EML5: variants seen among roughly 807,000 people sequenced by gnomAD.
EML5 encodes EMAP like 5.
In EML5, 120 loss-of-function variants were observed where a neutral mutation model predicts 250.0. That is an observed-to-expected ratio of 0.48 (90% CI 0.41 to 0.56). The LOEUF (loss-of-function observed/expected upper bound fraction) is 0.56, where lower values mean the gene tolerates loss of function less well. Among genes scored for constraint, EML5 ranks in the 20% least tolerant of loss-of-function variants. The pLI is 0.00. For synonymous variants in EML5, 771 were observed against 806.5 expected (o/e 0.96, Z 0.75); for missense variants, 2,006 against 2,437.6 (o/e 0.82, Z 3.73).
Position 88,738,909 on chromosome 14 carries a change from C to G in EML5, c.817G>C (p.Asp273His). 6.3e-7 allele frequency: 1 copy of G among 1,582,958 alleles called. No homozygotes were observed. Among genetic ancestry groups the G allele is most frequent in the Non-Finnish European group, 8.6e-7 (1 of 1,163,490 alleles). The change falls in exon 6 of 44, where the codon GAT (aspartate) becomes CAT (histidine). Residue 273 changes from aspartate (D) to histidine (H), a missense_variant. Coordinates refer to ENST00000554922, the MANE Select transcript of EML5 (RefSeq NM_183387.3). Reference sequence around the variant, plus strand: ...TATCCCTGGTCTGTTTCCCTGAGATCAATCACAGTAATTGGTTTAAAAGTT... The same window carrying G: ...TATCCCTGGTCTGTTTCCCTGAGATGAATCACAGTAATTGGTTTAAAAGTT... ...DLTFKPITVI[D>H]LRETDQGYKG...
chr14:88,622,046 C>T, intron 37 of EML5: 1 of 326,126 alleles, frequency 3.1e-6, no homozygotes. Flanking sequence ...TCCCCCTTGT[C>T]CGCCTCCAGT....
chr14:88,772,961 G>A (rs1595853458), intron 1 of EML5, among the ~76,000 whole-genome samples: 1 of 152,158 alleles, frequency 6.6e-6, no homozygotes, highest in Non-Finnish European at 1.5e-5. Flanking sequence ...AACTTGCTCA[G>A]AGAAGCTCTC....
chr14:88,722,768 A>T (rs2093610271), intron 8 of EML5, among the ~76,000 whole-genome samples: 1 of 151,648 alleles, frequency 6.6e-6, no homozygotes, highest in Admixed American at 6.6e-5. Flanking sequence ...GATTTTTCAT[A>T]AAAAAAAATT....
chr14:88,748,186 A>G (rs1302755640), intron 2 of EML5, among the ~76,000 whole-genome samples: 6 of 152,180 alleles, frequency 3.9e-5, no homozygotes, highest in Non-Finnish European at 8.8e-5. Context: ...AAAACTATCT[A>G]TAGTAAGATT....
chr14:88,661,453 A>G (rs1242388443), intron 25 of EML5, among the ~76,000 whole-genome samples: 1 of 152,184 alleles, frequency 6.6e-6, no homozygotes. Flanking sequence ...ACACTATAGG[A>G]TATGATATAT....
chr14:88,620,625 T>A lies in EML5; in HGVS notation c.5375+129A>T. The A allele has an allele frequency of 8.1e-6, 6 of 743,570 alleles. No individual in the cohort carries two copies. Among genetic ancestry groups the A allele is most frequent in the Non-Finnish European group, 9.9e-6 (5 of 505,172 alleles). 46.1% of individuals were successfully genotyped at this position (743,570 alleles called of 1,614,324 possible). A position where few individuals can be genotyped will look rare whatever the true frequency, so the allele number is the denominator to read the frequency against. ...GTATACAAACAGCCATATTTTAGCA[T>A]ACAATTTATAATACGGGAAATGCTA... is the stretch of plus-strand genomic sequence containing the variant. On this transcript the variant is annotated intron_variant, in intron 39 of 43. Transcript: ENST00000554922. The surrounding 1 kb of genome is among the most constrained non-coding windows in gnomAD (Gnocchi z 4.3).
chr14:88,617,205 T>C (rs1595179238), intron 41 of EML5: 2 of 176,012 alleles, frequency 1.1e-5, no homozygotes, highest in East Asian at 1.5e-4. Flanking sequence ...TGGAGTGCAA[T>C]GGCATGATCT....
In EML5 at chr14:88,788,245, C is replaced by G. The variant is rs77230377; in HGVS notation, c.197+4062G>C. Reference sequence around the variant, plus strand: ...ATCGCTTTTCCAATTACAATTTTGACTTGCGTTGAATAAATTAAGTTTCTA... The same window carrying G: ...ATCGCTTTTCCAATTACAATTTTGAGTTGCGTTGAATAAATTAAGTTTCTA... On this transcript the variant is annotated intron_variant, in intron 1 of 43. Coordinates refer to ENST00000554922, the MANE Select transcript of EML5 (RefSeq NM_183387.3). Among the ~76,000 whole-genome samples, 996 of 152,270 alleles carry G rather than the reference C, an allele frequency of 6.5e-3. 8 individuals are homozygous for G. The highest frequency in any genetic ancestry group is 0.023 in the African/African-American group (955 of 41,542).
intron 17 of EML5, among the ~76,000 whole-genome samples, chr14:88,692,547 T>C (rs184376688): frequency 5.6e-4 from 85 of 152,262 alleles, no homozygotes; most frequent in Non-Finnish European, 9.8e-4. Flanking sequence ...GTGCATAAAT[T>C]ATATGCAAAT....
At chr14:88,749,723 G>C (rs1179180878) in intron 2 of EML5, among the ~76,000 whole-genome samples, 1 of 152,082 alleles carries the variant, frequency 6.6e-6, no homozygotes, top group Non-Finnish European at 1.5e-5. Context: ...GGATTACAAA[G>C]TGTCAATAAA....
In EML5 at chr14:88,792,184, G is replaced by T; in HGVS notation, c.197+123C>A. 1 of 1,186,406 alleles carries T rather than the reference G, an allele frequency of 8.4e-7. No individual in the cohort carries two copies. The highest frequency in any genetic ancestry group is 1.2e-6 in the Non-Finnish European group (1 of 863,318). 73.5% of individuals were successfully genotyped at this position (1,186,406 alleles called of 1,614,324 possible). A position where few individuals can be genotyped will look rare whatever the true frequency, so the allele number is the denominator to read the frequency against. On this transcript the variant is annotated intron_variant, in intron 1 of 43. Transcript: ENST00000554922. This position sits in a 1 kb window ranked among gnomAD's most constrained non-coding sequence, Gnocchi z 6.9. ...TGGTGGACTCGGGACCAGAGAGACA[G>T]CTGCGGATTCCCCTCGGGGTGATGC...
chr14:88,615,643 G>A lies in EML5; in HGVS notation c.*175C>T. On this transcript the variant is annotated 3_prime_UTR_variant, in exon 44 of 44. Transcript: ENST00000554922. ...GTGTATGGATTACGGATTATACCCAGTGCATATAGCAAATATTTTGAACAG... is the reference window on the plus strand; with the variant it reads ...GTGTATGGATTACGGATTATACCCAATGCATATAGCAAATATTTTGAACAG... 1 of 601,884 alleles carries A rather than the reference G, an allele frequency of 1.7e-6. No individual in the cohort carries two copies. The highest frequency in any genetic ancestry group is 2.9e-6 in the Non-Finnish European group (1 of 346,144). 37.3% of individuals were successfully genotyped at this position (601,884 alleles called of 1,614,324 possible).
chr14:88,645,539 G>A (rs141242474), intron 29 of EML5, among the ~76,000 whole-genome samples: 43 of 152,210 alleles, frequency 2.8e-4, no homozygotes, highest in African/African-American at 8.2e-4. Flanking sequence ...GTGAATTTTC[G>A]TAATATTTCT....
rs2094618638 is a variant in EML5 at position 88,792,301 on chromosome 14, CGGTACCT to C, written c.196_197+5del. The C allele has an allele frequency of 6.5e-7, 1 of 1,550,070 alleles. No individual in the cohort carries two copies. The highest frequency in any genetic ancestry group is 8.7e-7 in the Non-Finnish European group (1 of 1,149,106). On this transcript the variant is annotated splice_donor_variant and splice_donor_5th_base_variant and coding_sequence_variant and intron_variant, in exon 1 of 44. Transcript: ENST00000554922. LOFTEE classifies it high-confidence loss of function. The surrounding 1 kb of genome is among the most constrained non-coding windows in gnomAD (Gnocchi z 6.9). The stretch of plus-strand genomic sequence containing the variant: ...GGTGACGGCGGCGGCCCCCGCTCCC[CGGTACCT>C]GATGATGTCGTCGCTGTGGCCCCGG...
At chr14:88,623,088 T>G (rs1437286953) in intron 36 of EML5, 1 of 154,548 alleles carries the variant, frequency 6.5e-6, no homozygotes, top group Non-Finnish European at 1.4e-5. Context: ...TGATCTAGGC[T>G]TATTGCAACC....
chr14:88,657,335 CAA>C, intron 27 of EML5, 39 bp downstream of exon 27: 2 of 1,513,434 alleles, frequency 1.3e-6, no homozygotes, highest in Non-Finnish European at 1.8e-6. Flanking sequence ...TTTTTAATGA[CAA>C]TATCTTTTTC....
intron 27 of EML5, among the ~76,000 whole-genome samples, chr14:88,651,764 G>A (rs184592116): frequency 5.9e-5 from 9 of 151,466 alleles, no homozygotes; most frequent in Admixed American, 1.3e-4. Context: ...CATATGTAGC[G>A]CTTATTGCTT....
intron 21 of EML5, among the ~76,000 whole-genome samples, chr14:88,681,363 C>A (rs981701700): frequency 6.6e-6 from 1 of 152,196 alleles, no homozygotes; most frequent in African/African-American, 2.4e-5. Flanking sequence ...GTGATCCCAC[C>A]ACTTTGGCAG....
chr14:88,652,087 G>GCA (rs1304863048), intron 27 of EML5, among the ~76,000 whole-genome samples: 1 of 152,142 alleles, frequency 6.6e-6, no homozygotes, highest in Non-Finnish European at 1.5e-5. Flanking sequence ...ATACGATGCT[G>GCA]CATTCTAGCA....
Sources: allele counts gnomAD v4.1 joint callset (sites outside exome capture counted in the v4.1 genomes callset), GRCh38; gene constraint gnomAD v4.1.1; non-coding constraint Gnocchi (gnomAD v3.1); transcripts MANE v1.5; gene names NCBI Gene and HGNC (gene_info 2026-07-23, HGNC 2026-07-21).